The following NUDC variants were observed in gnomAD, a reference collection of about 807,000 sequenced individuals.
The protein encoded by NUDC is nuclear migration protein nudC.
Under a neutral mutation model 45.0 loss-of-function variants are expected in NUDC, and 14 were observed. The ratio of observed to expected loss-of-function variants is 0.31; its 90% CI spans 0.21 to 0.49. The LOEUF (loss-of-function observed/expected upper bound fraction) is 0.49, where lower values mean the gene tolerates loss of function less well. Among genes scored for constraint, NUDC ranks in the 20% least tolerant of loss-of-function variants. NUDC has a pLI of 0.99. For missense variants in NUDC, 323 were observed against 426.2 expected (o/e 0.76, Z 2.13); for synonymous variants, 153 against 156.7 (o/e 0.98, Z 0.17).
chr1:26,906,288 C>T (rs568643929), intron 2 of NUDC, among the ~76,000 whole-genome samples: 20 of 149,948 alleles, frequency 1.3e-4, no homozygotes, highest in African/African-American at 2.7e-4. Flanking sequence ...CAAAAAAAAA[C>T]GAAAAAATAC....
At chr1:26,934,662 G>GTTTTT (rs757796116) in intron 2 of NUDC, among the ~76,000 whole-genome samples, 2 of 142,700 alleles carry the variant, frequency 1.4e-5, no homozygotes, top group Non-Finnish European at 3.1e-5. Flanking sequence ...AAGGACAGAG[G>GTTTTT]TTTTTTTTTT....
chr1:26,919,472 C>T (rs138913701), upstream of NUDC, among the ~76,000 whole-genome samples: 1 of 152,212 alleles, frequency 6.6e-6, no homozygotes, highest in Non-Finnish European at 1.5e-5. Context: ...GGATCTGCTT[C>T]TTGTTCCACA....
At position 26,903,965 on chromosome 1, in the gene NUDC, C is replaced by T. The variant is rs973600489; in HGVS notation, c.-16+1599C>T. The stretch of plus-strand genomic sequence containing the variant: ...GGCGGAGCTTGCAGTGAGCCGAGAT[C>T]GCGCCACTGCACTCCAGCCTGGGTG... On this transcript the variant is annotated intron_variant, in intron 2 of 6. Transcript: ENST00000435827. 2.2e-4 allele frequency among the ~76,000 whole-genome samples: 33 copies of T among 149,666 alleles called. 1 individual carries two copies. The highest frequency in any genetic ancestry group is 1.3e-3 in the South Asian group (6 of 4,748).
intron 1 of NUDC, among the ~76,000 whole-genome samples, chr1:26,923,098 A>G (rs2082104190): frequency 6.6e-6 from 1 of 152,194 alleles, no homozygotes; most frequent in South Asian, 2.1e-4. Flanking sequence ...TTCAGCAAGA[A>G]TTTTACTGAT....
intron 2 of NUDC, among the ~76,000 whole-genome samples, chr1:26,931,438 A>C (rs988463156): frequency 2.2e-4 from 29 of 129,016 alleles, no homozygotes; most frequent in Admixed American, 3.6e-4. Flanking sequence ...GTTGGAGTGC[A>C]GTGGCACCAT....
chr1:26,945,706 G>T lies in NUDC; in HGVS notation c.944+20G>T. 6.3e-7 allele frequency: 1 copy of T among 1,591,300 alleles called. No homozygotes were observed. The highest frequency in any genetic ancestry group is 8.6e-7 in the Non-Finnish European group (1 of 1,160,078). On this transcript the variant is annotated intron_variant, in intron 8 of 8. Coordinates refer to ENST00000321265, the MANE Select transcript of NUDC (RefSeq NM_006600.4). Reference sequence around the variant, plus strand: ...GAAGAAGTGAGCAATTCAGAGACGGGGTTGGGGGACCGTGGGTGCCTGGGG... The same window carrying T: ...GAAGAAGTGAGCAATTCAGAGACGGTGTTGGGGGACCGTGGGTGCCTGGGG...
chr1:26,911,538 A>G lies in NUDC; in HGVS notation c.93+303A>G, dbSNP rs573177791. ...AATCAATAACTTAATTCAGTTCTGTATAAAGTCGATAGGACTTCTGGTCCA... is the reference window on the plus strand; with the variant it reads ...AATCAATAACTTAATTCAGTTCTGTGTAAAGTCGATAGGACTTCTGGTCCA... On this transcript the variant is annotated intron_variant, in intron 3 of 6. Transcript: ENST00000435827. 110 of 413,500 alleles carry G rather than the reference A, an allele frequency of 2.7e-4. 1 individual carries two copies. Among genetic ancestry groups the G allele is most frequent in the South Asian group, 2.1e-3 (101 of 46,992 alleles). 25.6% of individuals were successfully genotyped at this position (413,500 alleles called of 1,614,324 possible). A position where few individuals can be genotyped will look rare whatever the true frequency, so the allele number is the denominator to read the frequency against.
chr1:26,901,594 G>A lies in NUDC; in HGVS notation c.-100-688G>A, dbSNP rs2081979361. ...TAATTTTTGTATTTTTAGTAGAGAC[G>A]GGGTTTCACCATATTGGTCAGGCTG... On this transcript the variant is annotated intron_variant, in intron 1 of 6. Transcript: ENST00000435827. Among the ~76,000 whole-genome samples, 3 of 151,658 alleles carry A rather than the reference G, an allele frequency of 2.0e-5. 1 individual carries two copies. Among genetic ancestry groups the A allele is most frequent in the Admixed American group, 2.0e-4 (3 of 15,222 alleles).
upstream of NUDC, among the ~76,000 whole-genome samples, chr1:26,917,259 AAATAAT>A (rs530923691): frequency 1.3e-5 from 2 of 151,458 alleles, no homozygotes; most frequent in Admixed American, 6.6e-5. Flanking sequence ...CCTTGTCTCA[AAATAAT>A]AATAATAATA....
At chr1:26,921,989 C>G (rs2082095412) in intron 1 of NUDC, 60 bp downstream of exon 1, 1 of 1,510,972 alleles carries the variant, frequency 6.6e-7, no homozygotes, top group African/African-American at 1.4e-5. Context: ...TTCCGCCCTT[C>G]TCTGCCTTCG....
At chr1:26,917,153 G>C (rs1225663096), upstream of NUDC, among the ~76,000 whole-genome samples, 1 of 151,960 alleles carries the variant, frequency 6.6e-6, no homozygotes, top group Non-Finnish European at 1.5e-5. Context: ...AGCTACTAGA[G>C]AGGCTGAAGC....
chr1:26,924,156 T>C lies in NUDC; in HGVS notation c.149T>C (p.Met50Thr), dbSNP rs776938957. 2.5e-6 allele frequency: 4 copies of C among 1,614,110 alleles called. No homozygotes were observed. The South Asian group carries it at 4.4e-5, about 18-fold the overall frequency. ...TTTTTCATTGGAGGAGAAGAAGGGA[T>C]GGCAGAGAAGGTAAGTGTTGGAAAC... Reference protein sequence around the residue: ...TDFFIGGEEGMAEKLITQTFS... With the variant: ...TDFFIGGEEGTAEKLITQTFS... The change falls in exon 2 of 9, where the codon ATG becomes ACG. Residue 50 changes from methionine (M) to threonine (T), a missense_variant. Transcript: ENST00000321265.
chr1:26,941,760 A>T lies in NUDC; in HGVS notation c.371A>T (p.Asp124Val). ...RLQLEIDQKKDAENHEAQLKN... is the reference protein window; with the variant it reads ...RLQLEIDQKKVAENHEAQLKN... The stretch of plus-strand genomic sequence containing the variant: ...CTGTGCTCTTTGCCCCAGAAAAAGG[A>T]TGCAGAGAATCATGAGGCCCAGCTC... Residue 124 changes from aspartate (D) to valine (V), a missense_variant, in exon 4 of 9, where the codon GAT (aspartate) becomes GTT (valine). By Grantham distance (152) the Asp-to-Val change is radical (BLOSUM62 -3). Around this residue, in one of 3 missense-constraint regions of NUDC, gnomAD observed 245 missense variants for 278.8 expected, o/e 0.88. Coordinates refer to ENST00000321265, the MANE Select transcript of NUDC (RefSeq NM_006600.4). 1.9e-6 allele frequency: 3 copies of T among 1,614,172 alleles called. No individual in the cohort carries two copies. The highest frequency in any genetic ancestry group is 2.5e-6 in the Non-Finnish European group (3 of 1,180,044).
At chr1:26,921,152 C>T (rs1489971632), upstream of NUDC, among the ~76,000 whole-genome samples, 3 of 152,136 alleles carry the variant, frequency 2.0e-5, no homozygotes, top group African/African-American at 7.2e-5. Context: ...ATTTCAGCAC[C>T]TGTCATAATT....
chr1:26,915,183 A>T (rs903975227), intron 3 of NUDC, among the ~76,000 whole-genome samples: 3 of 151,854 alleles, frequency 2.0e-5, no homozygotes, highest in Non-Finnish European at 4.4e-5. Flanking sequence ...TATGAGACTA[A>T]AAAAGCTAAA....
chr1:26,914,627 C>T (rs2082051348), intron 3 of NUDC, among the ~76,000 whole-genome samples: 2 of 152,174 alleles, frequency 1.3e-5, no homozygotes, highest in South Asian at 4.1e-4. Context: ...TCCTACCACT[C>T]CTGAAAGGCC....
chr1:26,937,940 T>C (rs1455259559), intron 2 of NUDC, among the ~76,000 whole-genome samples: 1 of 152,192 alleles, frequency 6.6e-6, no homozygotes, highest in Non-Finnish European at 1.5e-5. Context: ...GGAGCCCCCG[T>C]GCCCGACCTG....
intron 2 of NUDC, among the ~76,000 whole-genome samples, chr1:26,935,283 G>C (rs533808594): frequency 3.3e-5 from 5 of 152,074 alleles, no homozygotes; most frequent in African/African-American, 1.2e-4. Context: ...GTGCCCAGCC[G>C]TAAACCTCTT....
At chr1:26,937,091 G>A (rs2082241122) in intron 2 of NUDC, among the ~76,000 whole-genome samples, 1 of 152,160 alleles carries the variant, frequency 6.6e-6, no homozygotes. Flanking sequence ...TCAGGAAAGT[G>A]CTTTATTTAC....
Sources: allele counts gnomAD v4.1 joint callset (sites outside exome capture counted in the v4.1 genomes callset), GRCh38; gene constraint gnomAD v4.1.1; regional missense constraint gnomAD v4.1.1; transcripts MANE v1.5; gene names NCBI Gene and HGNC (gene_info 2026-07-23, HGNC 2026-07-21).